RIMS1: variants seen among roughly 807,000 people sequenced by gnomAD.
RIMS1 encodes regulating synaptic membrane exocytosis 1.
A neutral mutation model predicts 214.1 loss-of-function variants in RIMS1; 83 were observed. The ratio of observed to expected loss-of-function variants is 0.39; its 90% CI spans 0.32 to 0.47. The LOEUF is 0.47. Ranked by LOEUF, RIMS1 falls within the 20% of genes least tolerant of loss-of-function variation. The probability of loss-of-function intolerance (pLI) is 0.99; values close to 1 mark genes in which losing one functional copy is unlikely to be tolerated. For synonymous variants in RIMS1, 793 were observed against 786.8 expected (o/e 1.01, Z -0.13); for missense variants, 2,050 against 2,161.8 (o/e 0.95, Z 1.03).
intron 4 of RIMS1, among the ~76,000 whole-genome samples, chr6:72,176,592 T>C (rs1229886393): frequency 2.6e-5 from 4 of 152,150 alleles, no homozygotes; most frequent in Non-Finnish European, 5.9e-5. Context: ...ATTGCCATGG[T>C]TAATTTTACT....
chr6:72,258,157 T>G lies in RIMS1; in HGVS notation c.2803T>G (p.Ser935Ala). 1 of 1,613,080 alleles carries G rather than the reference T, an allele frequency of 6.2e-7. No individual in the cohort carries two copies. The highest frequency in any genetic ancestry group is 8.5e-7 in the Non-Finnish European group (1 of 1,179,408). The change falls in exon 17 of 34, where the codon TCT (serine) becomes GCT (alanine). Residue 935 changes from serine (S) to alanine (A), a missense_variant. Transcript: ENST00000521978. ...TAGGTCTAGTGCTAGAGAAAGTAAA[T>G]CTACAACATTAACTGTGCCAGAACA... ...GYRSSARESK[S>A]TTLTVPEQQR... is the part of the protein sequence containing the mutation.
At chr6:72,146,281 C>T (rs1034376915) in intron 4 of RIMS1, among the ~76,000 whole-genome samples, 16 of 152,172 alleles carry the variant, frequency 1.1e-4, no homozygotes, top group African/African-American at 3.4e-4. Context: ...AAATCTGTCA[C>T]GTGTCTTTCC....
chr6:72,104,756 C>T (rs1587039819), intron 4 of RIMS1, among the ~76,000 whole-genome samples: 1 of 152,146 alleles, frequency 6.6e-6, no homozygotes, highest in East Asian at 1.9e-4. Flanking sequence ...TTGCTGTATA[C>T]ACTTCAGACA....
intron 29 of RIMS1, among the ~76,000 whole-genome samples, chr6:72,335,224 C>T (rs2096798664): frequency 2.0e-5 from 3 of 151,960 alleles, no homozygotes. Context: ...TGCTATCCCT[C>T]CCCTAGGCCC....
intron 23 of RIMS1, among the ~76,000 whole-genome samples, chr6:72,282,222 C>T (rs1464316773): frequency 6.6e-6 from 1 of 152,044 alleles, no homozygotes; most frequent in Non-Finnish European, 1.5e-5. Flanking sequence ...TTTTGAGCTC[C>T]AATACCTCCT....
chr6:72,126,369 T>G (rs904417029), intron 4 of RIMS1, among the ~76,000 whole-genome samples: 1 of 152,106 alleles, frequency 6.6e-6, no homozygotes, highest in Non-Finnish European at 1.5e-5. Flanking sequence ...TGGCAAAAAG[T>G]TCATGACTAA....
intron 8 of RIMS1, among the ~76,000 whole-genome samples, chr6:72,237,230 A>AG (rs1393382864): frequency 1.5e-4 from 22 of 147,002 alleles, no homozygotes; most frequent in Non-Finnish European, 3.0e-4. Context: ...AGAGAGAGAG[A>AG]AAAAAAAAAG....
chr6:72,088,212 ATTTAC>A (rs1380999788), intron 2 of RIMS1, among the ~76,000 whole-genome samples: 21 of 145,372 alleles, frequency 1.4e-4, no homozygotes, highest in South Asian at 2.2e-4. Flanking sequence ...TATTTTATTT[ATTTAC>A]TTTATTTATT....
intron 4 of RIMS1, among the ~76,000 whole-genome samples, chr6:72,122,731 T>C (rs1423495886): frequency 5.3e-5 from 8 of 151,890 alleles, no homozygotes; most frequent in South Asian, 4.1e-4. Flanking sequence ...AGGAATTTAC[T>C]CATTTCTTCT....
chr6:72,118,625 C>G (rs942095260), intron 4 of RIMS1, among the ~76,000 whole-genome samples: 1 of 151,710 alleles, frequency 6.6e-6, no homozygotes. Context: ...GATAATACAT[C>G]ATGATCAAGT....
At chr6:72,322,487 ATAT>A (rs931678425) in intron 28 of RIMS1, among the ~76,000 whole-genome samples, 5 of 152,162 alleles carry the variant, frequency 3.3e-5, no homozygotes, top group Non-Finnish European at 7.4e-5. Flanking sequence ...ATAAGCAATA[ATAT>A]TACATGGTCA....
chr6:72,345,039 A>G (rs139033623), intron 29 of RIMS1, among the ~76,000 whole-genome samples: 2 of 151,876 alleles, frequency 1.3e-5, no homozygotes, highest in East Asian at 3.9e-4. Flanking sequence ...TGATATTTTT[A>G]ACTATACTAA....
chr6:72,063,065 C>A (rs1453144211), intron 2 of RIMS1, among the ~76,000 whole-genome samples: 1 of 151,946 alleles, frequency 6.6e-6, no homozygotes, highest in Non-Finnish European at 1.5e-5. Context: ...ATAATTCAAC[C>A]CATAACAACA....
intron 2 of RIMS1, among the ~76,000 whole-genome samples, chr6:71,991,654 C>T (rs1349314202): frequency 6.6e-6 from 1 of 152,116 alleles, no homozygotes; most frequent in Non-Finnish European, 1.5e-5. Flanking sequence ...GTTACATTAA[C>T]AAGGGAGAAA....
Position 72,182,674 on chromosome 6 carries a change from C to A in RIMS1, c.1203C>A (p.Gly401=). 6.9e-7 allele frequency: 1 copy of A among 1,445,120 alleles called. No individual in the cohort carries two copies. Among genetic ancestry groups the A allele is most frequent in the Non-Finnish European group, 9.0e-7 (1 of 1,105,752 alleles). The allele number at this position is 1,445,120 out of a possible 1,614,324, so 89.5% of individuals were successfully genotyped here. The part of the protein sequence containing the change: ...SDVALPRTEA[G]AALPEGKAGK... ...TGGCGCTCCCGCGCACCGAGGCGGG[C>A]GCGGCGCTGCCGGAGGGCAAGGCCG... Residue 401 remains glycine, a synonymous_variant, in exon 6 of 34, where the codon GGC becomes GGA. Coordinates refer to ENST00000521978, the MANE Select transcript of RIMS1 (RefSeq NM_014989.7).
intron 1 of RIMS1, among the ~76,000 whole-genome samples, chr6:71,915,085 C>G (rs1777947809): frequency 6.6e-6 from 1 of 152,002 alleles, no homozygotes; most frequent in South Asian, 2.1e-4. Flanking sequence ...GCGAAAGTAT[C>G]CCTAAATGTT....
Position 71,887,125 on chromosome 6 carries a change from CATT to C in RIMS1, c.105_107del (p.Ile36del). 6.2e-7 allele frequency: 1 copy of C among 1,613,422 alleles called. No homozygotes were observed. Among genetic ancestry groups the C allele is most frequent in the Non-Finnish European group, 8.5e-7 (1 of 1,179,648 alleles). Reference sequence around the variant, plus strand: ...GCCACCTGACCGAAGAGGAGAGGAACATTATCATGGCAGTGATGGACCGGCAGA... The same window carrying C: ...GCCACCTGACCGAAGAGGAGAGGAACATCATGGCAGTGATGGACCGGCAGA... On this transcript the variant is annotated inframe_deletion, in exon 1 of 34. Coordinates refer to ENST00000521978, the MANE Select transcript of RIMS1 (RefSeq NM_014989.7).
At chr6:72,390,538 G>C in intron 29 of RIMS1, 60 bp from the exon 30 acceptor site, 1 of 1,470,202 alleles carries the variant, frequency 6.8e-7, no homozygotes, top group South Asian at 1.2e-5. Context: ...AGGATCAATT[G>C]ATATTCAGGA....
Position 72,182,689 on chromosome 6 carries a change from G to A in RIMS1, c.1218G>A (p.Glu406=). The A allele has an allele frequency of 6.7e-7, 1 of 1,499,498 alleles. No individual in the cohort carries two copies. Among genetic ancestry groups the A allele is most frequent in the African/African-American group, 1.5e-5 (1 of 68,892 alleles). 92.9% of individuals were successfully genotyped at this position (1,499,498 alleles called of 1,614,324 possible). A position where few individuals can be genotyped will look rare whatever the true frequency, so the allele number is the denominator to read the frequency against. Residue 406 remains glutamate, a synonymous_variant, in exon 6 of 34, where the codon GAG becomes GAA. Transcript: ENST00000521978. ...PRTEAGAALP[E]GKAGKRAPAA... is the part of the protein sequence containing the mutation. ...CCGAGGCGGGCGCGGCGCTGCCGGA[G>A]GGCAAGGCCGGCAAACGCGCGCCGG...
Sources: gnomAD v4.1 joint callset for allele counts (sites outside exome capture counted in the v4.1 genomes callset) on GRCh38, gnomAD v4.1.1 for gene constraint, MANE v1.5 for transcripts, NCBI Gene and HGNC (gene_info 2026-07-23, HGNC 2026-07-21) for gene names.